NIBAN3: variants seen among roughly 807,000 people sequenced by gnomAD.
NIBAN3 encodes niban apoptosis regulator 3.
NIBAN3 carries 66 observed loss-of-function variants against 76.4 expected under a neutral mutation model. That is an observed-to-expected ratio of 0.86 (90% CI 0.71 to 1.06). NIBAN3 has a LOEUF of 1.06. NIBAN3 is among the 50% of genes least tolerant of loss of function. NIBAN3 has a pLI of 0.00. For missense variants in NIBAN3, 808 were observed against 810.7 expected, an observed-to-expected ratio of 1.00 and a Z score of 0.04; for synonymous variants, 360 against 355.2, an observed-to-expected ratio of 1.01 and a Z score of -0.15.
At chr19:17,524,596 A>C (rs529867950), upstream of NIBAN3, among the ~76,000 whole-genome samples, 9 of 152,334 alleles carry the variant, frequency 5.9e-5, no homozygotes, top group East Asian at 1.5e-3. Flanking sequence ...AAAAAACATA[A>C]ATTTTTTTAA....
rs368070689 is a variant in NIBAN3 at position 17,552,523 on chromosome 19, A to G, written c.*625A>G. On this transcript the variant is annotated 3_prime_UTR_variant, in exon 15 of 15. Coordinates refer to ENST00000599164, the MANE Select transcript of NIBAN3 (RefSeq NM_001321827.2). ...GTGATCCACTATGTCCAGCCTCCAA[A>G]TCCTTTCTAAACACTAGGACTTTTC... 1 of 152,070 alleles carries G rather than the reference A, an allele frequency of 6.6e-6. No homozygotes were observed. The highest frequency in any genetic ancestry group is 2.4e-5 in the African/African-American group (1 of 41,412). 9.4% of individuals were successfully genotyped at this position (152,070 alleles called of 1,614,324 possible).
intron 9 of NIBAN3, among the ~76,000 whole-genome samples, chr19:17,541,866 T>C (rs554118463): frequency 6.6e-6 from 1 of 151,888 alleles, no homozygotes; most frequent in South Asian, 2.1e-4. Context: ...GTATTTTTAG[T>C]TGAGACAGGG....
chr19:17,531,429 C>T (rs1267047161), intron 2 of NIBAN3, among the ~76,000 whole-genome samples: 2 of 152,112 alleles, frequency 1.3e-5, no homozygotes, highest in African/African-American at 4.8e-5. Context: ...TGAGGACACA[C>T]AGCCCTTGTC....
chr19:17,546,633 C>G, intron 12 of NIBAN3, 53 bp from the exon 13 acceptor site: 1 of 1,470,732 alleles, frequency 6.8e-7, no homozygotes, highest in Non-Finnish European at 9.0e-7. Flanking sequence ...GTGTTGTAGG[C>G]CTCTAGAGGG....
In NIBAN3 at chr19:17,542,229, G is replaced by T; in HGVS notation, c.1264G>T (p.Ala422Ser). 1 of 1,609,250 alleles carries T rather than the reference G, an allele frequency of 6.2e-7. No individual in the cohort carries two copies. Among genetic ancestry groups the T allele is most frequent in the Non-Finnish European group, 8.5e-7 (1 of 1,179,778 alleles). ...ERSRGRLGQL[A>S]APFGFLGMQS... ...GAGCCGGGGGCGCTTGGGGCAGCTG[G>T]CAGCACCGTTTGGCTTTCTGGGGAT... The change falls in exon 10 of 15, where the codon GCA (alanine) becomes TCA (serine). Residue 422 changes from alanine to serine, a missense_variant. Transcript: ENST00000599164. This position sits in a 1 kb window ranked among gnomAD's most constrained non-coding sequence, Gnocchi z 4.8.
At position 17,539,334 on chromosome 19, in the gene NIBAN3, C is replaced by G; in HGVS notation, c.712-13C>G. Reference sequence around the variant, plus strand: ...CCGGCCGACCGCGGCGCCCATGGCCCCCTCTCCTGCAGGTGCTGACCGCGG... The same window carrying G: ...CCGGCCGACCGCGGCGCCCATGGCCGCCTCTCCTGCAGGTGCTGACCGCGG... On this transcript the variant is annotated splice_polypyrimidine_tract_variant and intron_variant, in intron 6 of 14. Coordinates refer to ENST00000599164, the MANE Select transcript of NIBAN3 (RefSeq NM_001321827.2). The G allele has an allele frequency of 6.5e-7, 1 of 1,549,942 alleles. No homozygotes were observed. The highest frequency in any genetic ancestry group is 8.7e-7 in the Non-Finnish European group (1 of 1,148,030).
At chr19:17,546,418 T>C (rs1026898230) in intron 12 of NIBAN3, 1 of 355,134 alleles carries the variant, frequency 2.8e-6, no homozygotes, top group African/African-American at 2.2e-5. Flanking sequence ...GGTTTCACCA[T>C]GTTGGTCAGG....
At chr19:17,550,790 T>G (rs1464832581) in intron 14 of NIBAN3, among the ~76,000 whole-genome samples, 5 of 151,984 alleles carry the variant, frequency 3.3e-5, no homozygotes. Context: ...AGGCATTTGG[T>G]TTCTAGTCTT....
upstream of NIBAN3, among the ~76,000 whole-genome samples, chr19:17,526,987 C>T (rs966452259): frequency 4.2e-4 from 64 of 152,240 alleles, no homozygotes; most frequent in African/African-American, 1.5e-3. Flanking sequence ...AACTAGATGC[C>T]GCATCCCTGC....
At chr19:17,534,464 T>G (rs1390262801) in intron 4 of NIBAN3, among the ~76,000 whole-genome samples, 1 of 152,028 alleles carries the variant, frequency 6.6e-6, no homozygotes, top group Non-Finnish European at 1.5e-5. Context: ...GAGGCCAGCC[T>G]GACCAATATG....
At chr19:17,523,610 C>G (rs2075578021), upstream of NIBAN3, 3 of 615,550 alleles carry the variant, frequency 4.9e-6, no homozygotes, top group South Asian at 2.0e-5. Context: ...ATGGTTGTGC[C>G]TGGGGCTGTC....
At chr19:17,551,716 T>A in intron 14 of NIBAN3, 70 bp from the exon 15 acceptor site, 1 of 667,578 alleles carries the variant, frequency 1.5e-6, no homozygotes, top group Non-Finnish European at 2.8e-6. Context: ...TCTGATTTTT[T>A]AAGCACTTAT....
At chr19:17,548,326 T>C (rs935962929) in intron 13 of NIBAN3, among the ~76,000 whole-genome samples, 10 of 152,028 alleles carry the variant, frequency 6.6e-5, no homozygotes, top group South Asian at 4.1e-4. Context: ...TTTAGACTTA[T>C]GGTGCAGGCA....
At chr19:17,537,604 C>G (rs769852423) in intron 5 of NIBAN3, 61 bp downstream of exon 5, 108 of 1,471,070 alleles carry the variant, frequency 7.3e-5, no homozygotes, top group Non-Finnish European at 9.5e-5. Flanking sequence ...GATGGCTCAG[C>G]CTCTGTTGGC....
Position 17,540,415 on chromosome 19 carries a change from T to C in NIBAN3, c.1003T>C (p.Ser335Pro), listed in dbSNP as rs542841473. Residue 335 changes from serine (S) to proline (P), a missense_variant, in exon 9 of 15, where the codon TCG (serine) becomes CCG (proline). By Grantham distance (74) the Ser-to-Pro change is moderately conservative (BLOSUM62 -1). Transcript: ENST00000599164. ...AGCGGATATCAGGGGACCGCTCGAGTCGTGCCTGCGCCGGGAGGTGGACCC... is the reference window on the plus strand; with the variant it reads ...AGCGGATATCAGGGGACCGCTCGAGCCGTGCCTGCGCCGGGAGGTGGACCC... ...LRTDIRGPLE[S>P]CLRREVDPQL... The C allele has an allele frequency of 6.6e-6, 10 of 1,517,040 alleles. No individual in the cohort carries two copies. Among genetic ancestry groups the C allele is most frequent in the Middle Eastern group, 4.7e-4 (2 of 4,236 alleles). 94.0% of individuals were successfully genotyped at this position (1,517,040 alleles called of 1,614,324 possible).
At chr19:17,540,819 G>A (rs186245256) in intron 9 of NIBAN3, among the ~76,000 whole-genome samples, 352 of 152,242 alleles carry the variant, frequency 2.3e-3, no homozygotes, top group Non-Finnish European at 3.5e-3. Context: ...CTGCAGCCTC[G>A]ACCTCCCGGG....
At chr19:17,548,937 G>T (rs1967331) in intron 13 of NIBAN3, among the ~76,000 whole-genome samples, 101,531 of 144,994 alleles carry the variant, frequency 0.7, 35,356 homozygotes, top group Middle Eastern at 0.83. Context: ...AAAAAAAGTT[G>T]TTTTTTTTTT....
At chr19:17,544,200 G>A (rs2076008640) in intron 12 of NIBAN3, among the ~76,000 whole-genome samples, 1 of 151,970 alleles carries the variant, frequency 6.6e-6, no homozygotes, top group South Asian at 2.1e-4. Flanking sequence ...AGGCCAAGAG[G>A]TGGGAGGATC....
rs1217489676 is a variant in NIBAN3, at chr19:17,532,327, G to A, written c.251G>A (p.Trp84Ter). 1 of 1,614,050 alleles carries A rather than the reference G, an allele frequency of 6.2e-7. No individual in the cohort carries two copies. Among genetic ancestry groups the A allele is most frequent in the Non-Finnish European group, 8.5e-7 (1 of 1,180,024 alleles). ...CAGCTTCGGGGCCACCCACCCCGGTGGCAGCCGATCTTCTGTGTTCTGCGT... is the reference window on the plus strand; with the variant it reads ...CAGCTTCGGGGCCACCCACCCCGGTAGCAGCCGATCTTCTGTGTTCTGCGT... ...LTQLRGHPPR[W>*]QPIFCVLRGD... The change falls in exon 3 of 15, where the codon TGG becomes TAG. Residue 84 changes from tryptophan (W) to a stop codon, truncating the protein, a stop_gained. Coordinates refer to ENST00000599164, the MANE Select transcript of NIBAN3 (RefSeq NM_001321827.2). LOFTEE classifies it high-confidence loss of function.
Sources: gnomAD v4.1 joint callset for allele counts (sites outside exome capture counted in the v4.1 genomes callset) on GRCh38, gnomAD v4.1.1 for gene constraint, Gnocchi (gnomAD v3.1) non-coding constraint, MANE v1.5 for transcripts, NCBI Gene and HGNC (gene_info 2026-07-23, HGNC 2026-07-21) for gene names.